PRB3: variants seen among roughly 807,000 people sequenced by gnomAD.
PRB3 encodes basic salivary proline-rich protein 3.
In PRB3, 9 loss-of-function variants were observed where a neutral mutation model predicts 10.0. The observed-to-expected ratio is 0.90, with a 90% confidence interval of 0.54 to 1.57. The LOEUF is 1.57. Ranked by LOEUF, PRB3 falls within the 40% of genes most tolerant of loss-of-function variation. The pLI, the probability that PRB3 is intolerant of heterozygous loss-of-function variation, is 0.00. For missense variants in PRB3, 285 were observed against 385.5 expected, an observed-to-expected ratio of 0.74 and a Z score of 2.18; for synonymous variants, 89 against 138.6, an observed-to-expected ratio of 0.64 and a Z score of 2.52.
chr12:11,266,045 A>C lies in PRB3; in HGVS notation c.*18-16T>G, dbSNP rs897945926. On this transcript the variant is annotated splice_polypyrimidine_tract_variant and intron_variant, in intron 3 of 3. Transcript: ENST00000538488. ...TGTTCACTTCCTGAAACAAACAAAC[A>C]AGGAATTTCATAGAGCAGACTTGAC... 8.8e-6 allele frequency: 4 copies of C among 455,412 alleles called. No individual in the cohort carries two copies. The highest frequency in any genetic ancestry group is 6.0e-5 in the African/African-American group (3 of 50,054). 28.2% of individuals were successfully genotyped at this position (455,412 alleles called of 1,614,324 possible). A position where few individuals can be genotyped will look rare whatever the true frequency, so the allele number is the denominator to read the frequency against.
intron 1 of PRB3, 26 bp from the exon 2 acceptor site, chr12:11,268,694 G>A (rs1197108138): frequency 1.2e-6 from 2 of 1,611,378 alleles, no homozygotes; most frequent in African/African-American, 1.3e-5. Context: ...AGGATGATGG[G>A]AAAGGTTACA....
Position 11,267,372 on chromosome 12 carries a change from G to A in PRB3, c.877C>T (p.Pro293Ser), listed in dbSNP as rs772648026. The A allele has an allele frequency of 5.6e-6, 9 of 1,612,138 alleles. No individual in the cohort carries two copies. The African/African-American group carries it at 6.7e-5, about 12-fold the overall frequency. The change falls in exon 3 of 4, where the codon CCA becomes TCA. Residue 293 changes from proline (P) to serine (S), a missense_variant. Pro to Ser is a moderately conservative substitution (Grantham distance 74). Around this residue, in one of 3 missense-constraint regions of PRB3, gnomAD observed 108 missense variants for 106.9 expected, o/e 1.01. Coordinates refer to ENST00000538488, the MANE Select transcript of PRB3 (RefSeq NM_001394862.1). ...CGTTGAGGTTTGTTACCTTCTTGTG[G>A]GGGTGGTCCTTGTGGCTTTCCTGGA... is the stretch of plus-strand genomic sequence containing the variant. ...PHPGKPQGPP[P>S]QEGNKPQRPP...
At chr12:11,268,860 C>T (rs1179474269) in intron 1 of PRB3, 192 bp from the exon 2 acceptor site, 1 of 711,370 alleles carries the variant, frequency 1.4e-6, no homozygotes, top group Non-Finnish European at 2.5e-6. Flanking sequence ...CCACACAGAG[C>T]AACAGCCATG....
chr12:11,267,373 G>T lies in PRB3; in HGVS notation c.876C>A (p.Pro292=). 1.2e-6 allele frequency: 2 copies of T among 1,611,164 alleles called. No individual in the cohort carries two copies. Among genetic ancestry groups the T allele is most frequent in the African/African-American group, 1.4e-5 (1 of 73,888 alleles). The part of the protein sequence containing the change: ...PPHPGKPQGP[P]PQEGNKPQRP... ...GTTGAGGTTTGTTACCTTCTTGTGG[G>T]GGTGGTCCTTGTGGCTTTCCTGGAT... Residue 292 remains proline, a synonymous_variant, in exon 3 of 4, where the codon CCC becomes CCA. Coordinates refer to ENST00000538488, the MANE Select transcript of PRB3 (RefSeq NM_001394862.1).
In PRB3 at chr12:11,267,257, C is replaced by T; in HGVS notation, c.992G>A (p.Gly331Glu). The T allele has an allele frequency of 1.2e-6, 2 of 1,613,636 alleles. No homozygotes were observed. The highest frequency in any genetic ancestry group is 1.7e-6 in the Non-Finnish European group (2 of 1,179,752). ...GCCCCCTTGAGGAGGTGGAGGTGGT[C>T]CCTGGGGCTTTCCAGCGGGAGGTGG... ...PLPPPAGKPQ[G>E]PPPPPQGGRP... The change falls in exon 3 of 4, where the codon GGA becomes GAA. Residue 331 changes from glycine to glutamate, a missense_variant. By Grantham distance (98) the Gly-to-Glu change is moderately conservative. Coordinates refer to ENST00000538488, the MANE Select transcript of PRB3 (RefSeq NM_001394862.1).
Position 11,267,985 on chromosome 12 carries a change from C to G in PRB3, c.264G>C (p.Gln88His), listed in dbSNP as rs1233666945. The change falls in exon 3 of 4, where the codon CAG (glutamine) becomes CAC (histidine). Residue 88 changes from glutamine (Q) to histidine (H), a missense_variant. By Grantham distance (24) the Gln-to-His change is conservative. Transcript: ENST00000538488. ...CCGGACGAGGTGGGGGACCTTGGGA[C>G]TGGTTTCCTCCTTGTGGGGGTGGTC... ...PEGPPPQGGN[Q>H]SQGPPPRPGK... 1.9e-6 allele frequency: 3 copies of G among 1,575,580 alleles called. No individual in the cohort carries two copies. The highest frequency in any genetic ancestry group is 2.6e-6 in the Non-Finnish European group (3 of 1,161,472).
Position 11,267,428 on chromosome 12 carries a change from C to G in PRB3, c.821G>C (p.Gly274Ala), listed in dbSNP as rs1407425891. 1 of 1,563,392 alleles carries G rather than the reference C, an allele frequency of 6.4e-7. No individual in the cohort carries two copies. Among genetic ancestry groups the G allele is most frequent in the Non-Finnish European group, 8.6e-7 (1 of 1,156,742 alleles). ...PGKPEGPPSQ[G>A]GNKPQGPPPH... is the part of the protein sequence containing the mutation. ...TGGGGGACCTTGAGGTTTGTTGCCT[C>G]CTTGTGAAGGTGGTCCTTCTGGCTT... Residue 274 changes from glycine (G) to alanine (A), a missense_variant, in exon 3 of 4, where the codon GGA (glycine) becomes GCA (alanine). Physicochemically the swap from Gly to Ala is moderately conservative, Grantham distance 60 (BLOSUM62 0). Transcript: ENST00000538488.
In PRB3 at chr12:11,268,665, A is replaced by G. The variant is rs527393803; in HGVS notation, c.68T>C (p.Val23Ala). The change falls in exon 2 of 4, where the codon GTC becomes GCC. Residue 23 changes from valine to alanine, a missense_variant. This residue lies in a region of PRB3 where 147 missense variants were observed against 129.4 expected (regional missense o/e 1.14). Transcript: ENST00000538488. ...TACGGAGGGAGATTCTTCCTGGCTG[A>G]CATCTAGAAGAGAAGCACAGGATGA... ...LSSAQSLNED[V>A]SQEESPSVIS... is the part of the protein sequence containing the mutation. 1.2e-6 allele frequency: 2 copies of G among 1,613,192 alleles called. No individual in the cohort carries two copies. The highest frequency in any genetic ancestry group is 2.2e-5 in the East Asian group (1 of 44,886).
intron 1 of PRB3, among the ~76,000 whole-genome samples, chr12:11,269,129 G>A (rs1948625639): frequency 6.6e-6 from 1 of 152,014 alleles, no homozygotes; most frequent in Admixed American, 6.5e-5. Flanking sequence ...CACAATGATT[G>A]AATCTGATAT....
chr12:11,266,659 G>T (rs1177002086), intron 3 of PRB3, among the ~76,000 whole-genome samples: 1 of 152,194 alleles, frequency 6.6e-6, no homozygotes. Flanking sequence ...TGAGTAGGAT[G>T]AGCTACGCCT....
chr12:11,268,787 A>G (rs1968355), intron 1 of PRB3, 119 bp from the exon 2 acceptor site: 1,142,358 of 1,227,140 alleles, frequency 0.93, 534,711 homozygotes, highest in Admixed American at 0.96. Context: ...AGGTTAGCTC[A>G]TCAGCTACCA....
In PRB3 at chr12:11,267,710, G is replaced by A. The variant is rs1948607240; in HGVS notation, c.539C>T (p.Pro180Leu). The A allele has an allele frequency of 2.0e-6, 3 of 1,493,364 alleles. 1 individual carries two copies. The highest frequency in any genetic ancestry group is 4.0e-5 in the Admixed American group (2 of 49,784). The allele number at this position is 1,493,364 out of a possible 1,614,324, so 92.5% of individuals were successfully genotyped here. The change falls in exon 3 of 4, where the codon CCG becomes CTG. Residue 180 changes from proline to leucine, a missense_variant. Pro to Leu is a moderately conservative substitution (Grantham distance 98). Coordinates refer to ENST00000538488, the MANE Select transcript of PRB3 (RefSeq NM_001394862.1). The part of the protein sequence containing the change: ...GNQSQGPPPH[P>L]GKPEGPPPQG... ...TGGGGGTGGTCCTTCTGGCTTTCCC[G>A]GATGAGGCGGGGGACCTTGGGACTG...
Position 11,269,675 on chromosome 12 carries a change from T to A in PRB3, c.-6A>T, listed in dbSNP as rs761844107. ...GACAGCAGAATCAGTAGCATCTTGCTGGAGGCTCTGGAGTCACTCCCAACT... is the reference window on the plus strand; with the variant it reads ...GACAGCAGAATCAGTAGCATCTTGCAGGAGGCTCTGGAGTCACTCCCAACT... On this transcript the variant is annotated 5_prime_UTR_variant, in exon 1 of 4. Transcript: ENST00000538488. The A allele has an allele frequency of 1.2e-6, 2 of 1,613,940 alleles. No individual in the cohort carries two copies. Among genetic ancestry groups the A allele is most frequent in the Admixed American group, 1.7e-5 (1 of 60,016 alleles).
chr12:11,266,545 A>G (rs1948588730), intron 3 of PRB3, among the ~76,000 whole-genome samples: 1 of 152,208 alleles, frequency 6.6e-6, no homozygotes, highest in Admixed American at 6.5e-5. Context: ...AAGTTATGGT[A>G]TTAGTGGTAG....
In PRB3 at chr12:11,267,969, G is replaced by C; in HGVS notation, c.280C>G (p.Pro94Ala). ...TGTCCTTCTGGCTTTCCCGGACGAG[G>C]TGGGGGACCTTGGGACTGGTTTCCT... ...QGGNQSQGPP[P>A]RPGKPEGQPP... is the part of the protein sequence containing the mutation. The change falls in exon 3 of 4, where the codon CCT becomes GCT. Residue 94 changes from proline (P) to alanine (A), a missense_variant. Pro to Ala is a conservative substitution (Grantham distance 27). This residue lies in a region of PRB3 where 147 missense variants were observed against 129.4 expected (regional missense o/e 1.14). Coordinates refer to ENST00000538488, the MANE Select transcript of PRB3 (RefSeq NM_001394862.1). The C allele has an allele frequency of 6.3e-7, 1 of 1,579,678 alleles. No homozygotes were observed. The highest frequency in any genetic ancestry group is 8.6e-7 in the Non-Finnish European group (1 of 1,163,260).
At chr12:11,267,032 T>C in intron 3 of PRB3, 144 bp downstream of exon 3, 2 of 864,906 alleles carry the variant, frequency 2.3e-6, no homozygotes, top group Non-Finnish European at 1.9e-6. Context: ...TCTTACCCTA[T>C]TCCAGAGTAT....
chr12:11,265,946 T>A lies in PRB3; in HGVS notation c.*101A>T, dbSNP rs1948582947. 1 of 456,190 alleles carries A rather than the reference T, an allele frequency of 2.2e-6. No homozygotes were observed. Among genetic ancestry groups the A allele is most frequent in the Non-Finnish European group, 4.4e-6 (1 of 226,722 alleles). The allele number at this position is 456,190 out of a possible 1,614,324, so 28.3% of individuals were successfully genotyped here. A position where few individuals can be genotyped will look rare whatever the true frequency, so the allele number is the denominator to read the frequency against. On this transcript the variant is annotated 3_prime_UTR_variant, in exon 4 of 4. Transcript: ENST00000538488. ...TTGTAAGCTGTTTATTTTATTGGTA[T>A]ATTAAAGGTAGAGCTATGACCACCT...
Position 11,267,255 on chromosome 12 carries a change from G to T in PRB3, c.994C>A (p.Pro332Thr). 1 of 1,613,936 alleles carries T rather than the reference G, an allele frequency of 6.2e-7. No individual in the cohort carries two copies. The highest frequency in any genetic ancestry group is 8.5e-7 in the Non-Finnish European group (1 of 1,179,892). ...LPPPAGKPQG[P>T]PPPPQGGRPH... ...CTGCCCCCTTGAGGAGGTGGAGGTG[G>T]TCCCTGGGGCTTTCCAGCGGGAGGT... The change falls in exon 3 of 4, where the codon CCA becomes ACA. Residue 332 changes from proline to threonine, a missense_variant. Pro to Thr is a conservative substitution (Grantham distance 38). Coordinates refer to ENST00000538488, the MANE Select transcript of PRB3 (RefSeq NM_001394862.1).
At chr12:11,269,034 G>T (rs866247371) in intron 1 of PRB3, among the ~76,000 whole-genome samples, 1 of 151,978 alleles carries the variant, frequency 6.6e-6, no homozygotes, top group Non-Finnish European at 1.5e-5. Context: ...TCTCAATTTC[G>T]GTAACCAGAA....
Sources: gnomAD v4.1 joint callset for allele counts (sites outside exome capture counted in the v4.1 genomes callset) on GRCh38, gnomAD v4.1.1 for gene constraint, gnomAD v4.1.1 regional missense constraint, MANE v1.5 for transcripts, NCBI Gene and HGNC (gene_info 2026-07-23, HGNC 2026-07-21) for gene names.